WDPCP: variants seen among roughly 807,000 people sequenced by gnomAD.
WDPCP encodes WD repeat containing planar cell polarity effector.
WDPCP carries 71 observed loss-of-function variants against 93.1 expected under a neutral mutation model. That is an observed-to-expected ratio of 0.76 (90% CI 0.63 to 0.93). The LOEUF (loss-of-function observed/expected upper bound fraction) is 0.93, where lower values mean the gene tolerates loss of function less well. Among genes scored for constraint, WDPCP ranks in the 40% least tolerant of loss-of-function variants. WDPCP has a pLI of 0.00. For missense variants in WDPCP, 844 were observed against 887.4 expected (o/e 0.95, Z 0.62); for synonymous variants, 315 against 315.0 (o/e 1.00, Z 0.00).
intron 9 of WDPCP, among the ~76,000 whole-genome samples, chr2:63,417,559 A>G (rs1695527804): frequency 6.6e-6 from 1 of 151,544 alleles, no homozygotes; most frequent in Non-Finnish European, 1.5e-5. Flanking sequence ...ATAAATTTGT[A>G]TACTGCTATG....
Position 63,765,665 on chromosome 2 carries a change from A to G in WDPCP, n.308+47957T>C, listed in dbSNP as rs563200978. On this transcript the variant is annotated intron_variant and non_coding_transcript_variant, in intron 2 of 4. Transcript: ENST00000467687. ...AGACATGGATTCAATCCCTTCCAGA[A>G]ACTCCAAAATTATCCTGGACTCTGG... Among the ~76,000 whole-genome samples, 31 of 152,296 alleles carry G rather than the reference A, an allele frequency of 2.0e-4. 1 individual carries two copies. In the South Asian group the frequency reaches 6.4e-3, roughly 32 times the overall value.
intron 1 of WDPCP, among the ~76,000 whole-genome samples, chr2:63,562,150 GA>G (rs971312858): frequency 6.6e-6 from 1 of 152,174 alleles, no homozygotes; most frequent in African/African-American, 2.4e-5. Flanking sequence ...ACTGGATAAA[GA>G]AAATGTGGCA....
intron 1 of WDPCP, among the ~76,000 whole-genome samples, chr2:63,529,950 T>G (rs893223028): frequency 6.6e-6 from 1 of 152,220 alleles, no homozygotes; most frequent in Non-Finnish European, 1.5e-5. Context: ...GTCTAGGAAT[T>G]TATCCATTTC....
At chr2:63,670,492 T>A (rs766874376) in intron 2 of WDPCP, among the ~76,000 whole-genome samples, 27 of 152,176 alleles carry the variant, frequency 1.8e-4, no homozygotes, top group Non-Finnish European at 3.7e-4. Flanking sequence ...TTTTTTAATT[T>A]CTTGCCCTTG....
intron 10 of WDPCP, chr2:63,403,792 T>C (rs941213677): frequency 1.1e-5 from 5 of 460,214 alleles, no homozygotes; most frequent in Non-Finnish European, 2.0e-5. Flanking sequence ...TTTTAGAGCG[T>C]ATCAAATGTA....
chr2:63,724,437 C>T (rs780568386), intron 2 of WDPCP, among the ~76,000 whole-genome samples: 3 of 152,148 alleles, frequency 2.0e-5, no homozygotes, highest in Non-Finnish European at 1.5e-5. Flanking sequence ...CCTGCTTCTA[C>T]GGATTTTGCT....
intron 1 of WDPCP, among the ~76,000 whole-genome samples, chr2:63,548,084 TAA>T (rs1448791550): frequency 6.6e-6 from 1 of 151,972 alleles, no homozygotes; most frequent in African/African-American, 2.4e-5. Context: ...ATGAAAAACT[TAA>T]GACATATAAC....
chr2:63,176,388 A>G (rs766858090), intron 14 of WDPCP, among the ~76,000 whole-genome samples: 13 of 152,046 alleles, frequency 8.6e-5, no homozygotes, highest in Admixed American at 2.0e-4. Context: ...CTGGGACTAC[A>G]GGTGTGTACC....
intron 9 of WDPCP, among the ~76,000 whole-genome samples, chr2:63,413,725 G>A (rs1478211120): frequency 6.6e-6 from 1 of 152,182 alleles, no homozygotes; most frequent in Non-Finnish European, 1.5e-5. Context: ...GTGAACCTGG[G>A]AGGTGGAGGT....
chr2:63,464,472 T>C (rs1699215743), intron 6 of WDPCP, among the ~76,000 whole-genome samples: 1 of 152,104 alleles, frequency 6.6e-6, no homozygotes. Context: ...AAAATCAGTA[T>C]GGTGTTTCCT....
At chr2:63,438,345 CAATT>C (rs1697278309) in intron 7 of WDPCP, among the ~76,000 whole-genome samples, 2 of 152,108 alleles carry the variant, frequency 1.3e-5, no homozygotes, top group South Asian at 4.1e-4. Context: ...TGGATCTACA[CAATT>C]ACAAGAGAAT....
chr2:63,595,625 GA>G (rs1258595508), intron 3 of WDPCP: 5 of 704,684 alleles, frequency 7.1e-6, no homozygotes, highest in Non-Finnish European at 1.2e-5. Context: ...TTCATAAGAG[GA>G]TTTTTTTATT....
At chr2:63,461,330 A>AT (rs919110623) in intron 6 of WDPCP, among the ~76,000 whole-genome samples, 8 of 152,018 alleles carry the variant, frequency 5.3e-5, no homozygotes, top group African/African-American at 1.7e-4. Flanking sequence ...TGTTCACTAA[A>AT]TTTAGTTGTT....
chr2:63,138,279 T>G (rs2103661944), intron 17 of WDPCP, among the ~76,000 whole-genome samples: 1 of 152,236 alleles, frequency 6.6e-6, no homozygotes, highest in African/African-American at 2.4e-5. Context: ...CAATGCATAG[T>G]GTCAAGCTGC....
At chr2:63,785,518 T>C (rs1257626553) in intron 2 of WDPCP, among the ~76,000 whole-genome samples, 2 of 152,300 alleles carry the variant, frequency 1.3e-5, no homozygotes, top group East Asian at 1.9e-4. Context: ...TTATAAAGTT[T>C]TCATGTAACA....
At chr2:63,411,652 A>G (rs1350587785) in intron 9 of WDPCP, among the ~76,000 whole-genome samples, 2 of 152,186 alleles carry the variant, frequency 1.3e-5, no homozygotes, top group Non-Finnish European at 2.9e-5. Context: ...CAAGAAAAGA[A>G]GAGAGAAAAT....
chr2:63,292,926 C>T (rs901986507), intron 13 of WDPCP, among the ~76,000 whole-genome samples: 3 of 152,194 alleles, frequency 2.0e-5, no homozygotes, highest in African/African-American at 7.2e-5. Context: ...ACATCCACCA[C>T]CCCAGCTGTA....
chr2:63,601,292 T>G (rs1332422458), intron 3 of WDPCP, among the ~76,000 whole-genome samples: 1 of 152,188 alleles, frequency 6.6e-6, no homozygotes, highest in Non-Finnish European at 1.5e-5. Context: ...ACAGGACTGG[T>G]TGCTAGATAT....
rs2105072677 is a variant in WDPCP at position 63,395,267 on chromosome 2, G to A, written c.1435+8781C>T. 1.3e-5 allele frequency among the ~76,000 whole-genome samples: 2 copies of A among 152,132 alleles called. 1 individual carries two copies. The highest frequency in any genetic ancestry group is 6.8e-3 in the Middle Eastern group (2 of 294). ...GTTTTTTATAGATTTAGGGATACAA[G>A]TGCAGTTGTGTTACATAGACATATT... On this transcript the variant is annotated intron_variant, in intron 10 of 17. Transcript: ENST00000272321.
Sources: allele counts gnomAD v4.1 joint callset (sites outside exome capture counted in the v4.1 genomes callset), GRCh38; gene constraint gnomAD v4.1.1; transcripts MANE v1.5; gene names NCBI Gene and HGNC (gene_info 2026-07-23, HGNC 2026-07-21).